ZNF782: variants seen among roughly 807,000 people sequenced by gnomAD.
The protein encoded by ZNF782 is zinc finger protein 782.
In ZNF782, 12 loss-of-function variants were observed where a neutral mutation model predicts 13.0. The ratio of observed to expected loss-of-function variants is 0.92; its 90% CI spans 0.59 to 1.50. ZNF782 has a LOEUF of 1.50. Ranked by LOEUF, ZNF782 falls within the 40% of genes most tolerant of loss-of-function variation. The pLI is 0.00. For missense variants in ZNF782, 770 were observed against 822.9 expected (o/e 0.94, Z 0.79); for synonymous variants, 284 against 283.0 (o/e 1.00, Z -0.04).
At chr9:96,884,268 C>T in the ZNF782 span, among the ~76,000 whole-genome samples, 1 of 152,196 alleles carries the variant, frequency 6.6e-6, no homozygotes, top group Non-Finnish European at 1.5e-5. Context: ...TGAGCTGAGC[C>T]TTCACCCCCA....
the ZNF782 span, among the ~76,000 whole-genome samples, chr9:96,882,299 C>T: frequency 1.3e-5 from 2 of 151,976 alleles, no homozygotes; most frequent in Non-Finnish European, 2.9e-5. Context: ...ATTTGGAGGT[C>T]GAGCATACAT....
In ZNF782 at chr9:96,817,978, G is replaced by A; in HGVS notation, c.2045C>T (p.Thr682Ile). The part of the protein sequence containing the change: ...KPYKCDKCGR[T>I]FSQKSSLREH... ...TCTAAGGCTTGATTTTTGACTGAAA[G>A]TTCTCCCACATTTATCACATTTATA... is the stretch of plus-strand genomic sequence containing the variant. Residue 682 changes from threonine (T) to isoleucine (I), a missense_variant, in exon 6 of 6, where the codon ACT becomes ATT. Physicochemically the swap from Thr to Ile is moderately conservative, Grantham distance 89 (BLOSUM62 -1). Coordinates refer to ENST00000481138, the MANE Select transcript of ZNF782 (RefSeq NM_001001662.3). 1 of 1,606,050 alleles carries A rather than the reference G, an allele frequency of 6.2e-7. No homozygotes were observed. The highest frequency in any genetic ancestry group is 8.5e-7 in the Non-Finnish European group (1 of 1,176,894).
At chr9:96,840,234 T>C (rs900484438) in intron 4 of ZNF782, among the ~76,000 whole-genome samples, 2 of 152,124 alleles carry the variant, frequency 1.3e-5, no homozygotes, top group Non-Finnish European at 2.9e-5. Flanking sequence ...CTTTCTTTGT[T>C]CCAGGTGTAC....
chr9:96,849,625 T>C (rs539656833), intron 3 of ZNF782, among the ~76,000 whole-genome samples: 1 of 152,270 alleles, frequency 6.6e-6, no homozygotes, highest in East Asian at 1.9e-4. Context: ...TCGTGACTAA[T>C]ACCCCAAAAG....
At chr9:96,885,723 G>C in the ZNF782 span, among the ~76,000 whole-genome samples, 2 of 151,846 alleles carry the variant, frequency 1.3e-5, no homozygotes, top group Non-Finnish European at 2.9e-5. Context: ...AAAAAACAAA[G>C]AAAAAAGTCT....
the ZNF782 span, among the ~76,000 whole-genome samples, chr9:96,886,854 T>G: frequency 7.2e-6 from 1 of 139,276 alleles, no homozygotes; most frequent in Non-Finnish European, 1.5e-5. Flanking sequence ...ACCTGGGAGG[T>G]GGAGGTTGCA....
chr9:96,847,179 G>T (rs1198988760), intron 3 of ZNF782, among the ~76,000 whole-genome samples: 2 of 152,124 alleles, frequency 1.3e-5, no homozygotes, highest in Non-Finnish European at 2.9e-5. Context: ...ATATAGCAAA[G>T]CAGTGCTAAG....
intron 4 of ZNF782, among the ~76,000 whole-genome samples, chr9:96,838,684 T>C (rs73538635): frequency 0.029 from 4,389 of 151,998 alleles, 231 homozygotes; most frequent in African/African-American, 0.1. Flanking sequence ...TATTTCAATT[T>C]TGATTAGTGT....
At chr9:96,840,846 A>G (rs772433126) in intron 4 of ZNF782, among the ~76,000 whole-genome samples, 5 of 152,092 alleles carry the variant, frequency 3.3e-5, no homozygotes, top group Non-Finnish European at 1.5e-5. Context: ...ATCTCACATT[A>G]AAAAGCTAGA....
chr9:96,877,130 A>G (rs912915031), upstream of ZNF782, among the ~76,000 whole-genome samples: 5 of 152,072 alleles, frequency 3.3e-5, no homozygotes, highest in Non-Finnish European at 7.4e-5. Context: ...TCTTTTTACT[A>G]AATTATACAT....
At chr9:96,895,298 T>G in the ZNF782 span, 3 of 152,216 alleles carry the variant, frequency 2.0e-5, no homozygotes, top group African/African-American at 7.2e-5. Flanking sequence ...TACAGAGACT[T>G]ATGGCATTAG....
At chr9:96,822,560 T>C (rs1007976060) in intron 5 of ZNF782, among the ~76,000 whole-genome samples, 16 of 152,238 alleles carry the variant, frequency 1.1e-4, no homozygotes, top group African/African-American at 3.9e-4. Flanking sequence ...TTTTTCGAAT[T>C]GAGACTATTT....
the ZNF782 span, among the ~76,000 whole-genome samples, chr9:96,930,792 A>T: frequency 7.1e-6 from 1 of 140,790 alleles, no homozygotes; most frequent in Non-Finnish European, 1.5e-5. Flanking sequence ...CAGGACAATC[A>T]CTTGCATGCT....
At chr9:96,927,924 CAGA>C in the ZNF782 span, among the ~76,000 whole-genome samples, 3 of 149,556 alleles carry the variant, frequency 2.0e-5, no homozygotes, top group African/African-American at 7.6e-5. Context: ...CTGCAAATAT[CAGA>C]AGAATACTAG....
chr9:96,844,452 A>C (rs1851285493), intron 4 of ZNF782, among the ~76,000 whole-genome samples: 1 of 152,236 alleles, frequency 6.6e-6, no homozygotes. Context: ...TGAGTTTCAA[A>C]AGCATTATAC....
chr9:96,844,903 G>A lies in ZNF782; in HGVS notation c.129C>T (p.His43=), dbSNP rs765440826. 5.6e-6 allele frequency: 9 copies of A among 1,613,828 alleles called. No individual in the cohort carries two copies. The East Asian group carries it at 1.6e-4, about 28-fold the overall frequency. Residue 43 remains histidine, a synonymous_variant, in exon 4 of 6, where the codon CAC becomes CAT. Coordinates refer to ENST00000481138, the MANE Select transcript of ZNF782 (RefSeq NM_001001662.3). ...YRDVMLENYS[H]LVSVGYCFTK... ...AGCTGTGCTCACCCACTGAGACGAGGTGGCTGTAGTTCTCCAGCATCACAT... is the reference window on the plus strand; with the variant it reads ...AGCTGTGCTCACCCACTGAGACGAGATGGCTGTAGTTCTCCAGCATCACAT...
In ZNF782 at chr9:96,869,132, T is replaced by A. The variant is rs1392988292; in HGVS notation, c.-457+6336A>T. Among the ~76,000 whole-genome samples the A allele has an allele frequency of 2.0e-5, 3 of 152,070 alleles. No individual in the cohort carries two copies. In the East Asian group the frequency reaches 5.8e-4, roughly 29 times the overall value. The stretch of plus-strand genomic sequence containing the variant: ...TGCCAACATCTGCAACTAGATCATA[T>A]TAAGAAGTGATTAGAAAAATGAAAA... On this transcript the variant is annotated intron_variant, in intron 1 of 5. Coordinates refer to the ZNF782 transcript ENST00000498811.
intron 4 of ZNF782, among the ~76,000 whole-genome samples, chr9:96,828,557 G>C (rs1850700402): frequency 6.6e-6 from 1 of 152,202 alleles, no homozygotes; most frequent in Admixed American, 6.5e-5. Flanking sequence ...CATATGGCCA[G>C]GCACAGTGAC....
chr9:96,903,556 G>GTTTTTTTTTTTTT, the ZNF782 span, among the ~76,000 whole-genome samples: 5 of 75,462 alleles, frequency 6.6e-5, 1 homozygote, highest in Non-Finnish European at 1.1e-4. Context: ...TTTTATGTTG[G>GTTTTTTTTTTTTT]TTTTTTTTTT....
Sources: gnomAD v4.1 joint callset for allele counts (sites outside exome capture counted in the v4.1 genomes callset) on GRCh38, gnomAD v4.1.1 for gene constraint, MANE v1.5 for transcripts, NCBI Gene and HGNC (gene_info 2026-07-23, HGNC 2026-07-21) for gene names.